The following SUMF1 variants were observed in gnomAD, a reference collection of about 807,000 sequenced individuals.
SUMF1 encodes the protein formylglycine-generating enzyme.
A neutral mutation model predicts 47.6 loss-of-function variants in SUMF1; 48 were observed. The observed-to-expected ratio is 1.01, with a 90% CI of 0.80 to 1.28. The LOEUF is 1.28. Among genes scored for constraint, SUMF1 ranks in the 50% most tolerant of loss-of-function variants. The probability of loss-of-function intolerance (pLI) is 0.00; values close to 1 mark genes in which losing one functional copy is unlikely to be tolerated. For synonymous variants in SUMF1, 230 were observed against 192.1 expected, an observed-to-expected ratio of 1.20 and a Z score of -1.63; for missense variants, 571 against 485.4, an observed-to-expected ratio of 1.18 and a Z score of -1.66.
chr3:4,265,802 C>T (rs982012578), intron 8 of SUMF1, among the ~76,000 whole-genome samples: 1 of 152,148 alleles, frequency 6.6e-6, no homozygotes, highest in Non-Finnish European at 1.5e-5. Flanking sequence ...GAAGTCCTTG[C>T]CTGTGCCTAT....
intron 8 of SUMF1, among the ~76,000 whole-genome samples, chr3:4,245,396 G>A (rs1380031010): frequency 6.6e-6 from 1 of 152,166 alleles, no homozygotes; most frequent in East Asian, 1.9e-4. Context: ...GGTCTTTAAT[G>A]TTGGGACCTA....
chr3:4,224,860 G>C (rs945138043), intron 8 of SUMF1, among the ~76,000 whole-genome samples: 1 of 152,138 alleles, frequency 6.6e-6, no homozygotes, highest in Non-Finnish European at 1.5e-5. Context: ...TGGTGAAGTT[G>C]TGTCCTGATT....
At chr3:4,071,615 G>T (rs372924028) in intron 8 of SUMF1, among the ~76,000 whole-genome samples, 2 of 152,186 alleles carry the variant, frequency 1.3e-5, no homozygotes, top group Admixed American at 1.3e-4. Flanking sequence ...GGAGCTTAGT[G>T]GGGGGAGGGG....
intron 8 of SUMF1, among the ~76,000 whole-genome samples, chr3:4,252,333 G>A (rs963575585): frequency 1.1e-4 from 16 of 146,840 alleles, no homozygotes; most frequent in East Asian, 3.9e-4. Context: ...TTTTGGATTC[G>A]CTCCAAATAC....
intron 8 of SUMF1, among the ~76,000 whole-genome samples, chr3:4,310,937 A>G (rs1698382115): frequency 1.3e-5 from 2 of 152,244 alleles, no homozygotes; most frequent in African/African-American, 4.8e-5. Flanking sequence ...ACATTTGAAC[A>G]CTGAACCTTT....
intron 8 of SUMF1, among the ~76,000 whole-genome samples, chr3:4,170,435 C>G (rs1297801331): frequency 6.6e-6 from 1 of 152,148 alleles, no homozygotes; most frequent in Non-Finnish European, 1.5e-5. Context: ...TTGAGAACTG[C>G]CGCTTTAAGT....
chr3:4,179,086 G>A (rs897592245), intron 8 of SUMF1, among the ~76,000 whole-genome samples: 11 of 152,178 alleles, frequency 7.2e-5, no homozygotes, highest in Non-Finnish European at 1.5e-4. Flanking sequence ...TGGATAGGAA[G>A]AATCAATATC....
At chr3:4,058,007 G>A (rs1162110703) in intron 9 of SUMF1, among the ~76,000 whole-genome samples, 2 of 152,106 alleles carry the variant, frequency 1.3e-5, no homozygotes, top group Admixed American at 6.6e-5. Flanking sequence ...GTATAAGTGA[G>A]TGTTCTCTCT....
intron 1 of SUMF1, among the ~76,000 whole-genome samples, chr3:4,456,873 T>TATA (rs1559312800): frequency 8.6e-5 from 9 of 104,962 alleles, no homozygotes; most frequent in African/African-American, 2.7e-4. Context: ...TGTGTGTATA[T>TATA]CTATATGTGT....
At chr3:4,084,836 C>A (rs567656533) in intron 8 of SUMF1, among the ~76,000 whole-genome samples, 2 of 152,144 alleles carry the variant, frequency 1.3e-5, no homozygotes, top group East Asian at 1.9e-4. Flanking sequence ...GTGTGGTTAT[C>A]TTGTTTAAAG....
At chr3:4,381,950 G>A (rs576605361) in intron 7 of SUMF1, among the ~76,000 whole-genome samples, 1 of 152,302 alleles carries the variant, frequency 6.6e-6, no homozygotes, top group East Asian at 1.9e-4. Flanking sequence ...AGAGGCCGAG[G>A]CAGGAGAACC....
intron 3 of SUMF1, among the ~76,000 whole-genome samples, chr3:4,423,191 CAT>C (rs778697518): frequency 2.9e-4 from 44 of 152,212 alleles, no homozygotes; most frequent in Non-Finnish European, 2.8e-4. Context: ...CTTGCACACA[CAT>C]GTTTATAGCA....
chr3:4,210,380 T>A (rs867823541), intron 8 of SUMF1, among the ~76,000 whole-genome samples: 1 of 152,086 alleles, frequency 6.6e-6, no homozygotes, highest in Non-Finnish European at 1.5e-5. Context: ...CACAACCAAA[T>A]GTTAATACTT....
intron 8 of SUMF1, among the ~76,000 whole-genome samples, chr3:4,305,865 C>A (rs1371447089): frequency 6.6e-6 from 1 of 152,190 alleles, no homozygotes; most frequent in African/African-American, 2.4e-5. Context: ...GTTCCCCAGA[C>A]TACCTTTGGC....
At chr3:4,264,772 C>T (rs1396957689) in intron 8 of SUMF1, among the ~76,000 whole-genome samples, 3 of 152,086 alleles carry the variant, frequency 2.0e-5, no homozygotes, top group Admixed American at 6.6e-5. Flanking sequence ...ATTTAACTAC[C>T]TAATATCAGA....
intron 8 of SUMF1, among the ~76,000 whole-genome samples, chr3:4,272,340 C>G (rs988689532): frequency 6.6e-6 from 1 of 152,128 alleles, no homozygotes; most frequent in Non-Finnish European, 1.5e-5. Context: ...TTTAATCGAC[C>G]CGACAGAGAA....
At chr3:4,091,441 G>A (rs754883547) in intron 8 of SUMF1, among the ~76,000 whole-genome samples, 2 of 152,086 alleles carry the variant, frequency 1.3e-5, no homozygotes, top group Non-Finnish European at 2.9e-5. Flanking sequence ...ATGCAGCAAG[G>A]AATTGAATGT....
At chr3:4,436,903 T>C (rs1013486361) in intron 3 of SUMF1, among the ~76,000 whole-genome samples, 2 of 148,052 alleles carry the variant, frequency 1.4e-5, no homozygotes, top group Admixed American at 6.7e-5. Context: ...AACTGACTAA[T>C]GACTGACTTC....
At chr3:4,318,889 GA>G (rs1333169637) in intron 8 of SUMF1, among the ~76,000 whole-genome samples, 3 of 152,140 alleles carry the variant, frequency 2.0e-5, no homozygotes, top group Admixed American at 6.5e-5. Flanking sequence ...CCAGGTGACA[GA>G]GTGAGACTGC....
Sources: gnomAD v4.1 joint callset for allele counts (sites outside exome capture counted in the v4.1 genomes callset) on GRCh38, gnomAD v4.1.1 for gene constraint, MANE v1.5 for transcripts, NCBI Gene and HGNC (gene_info 2026-07-23, HGNC 2026-07-21) for gene names.